The following HPS4 variants were observed in gnomAD, a reference collection of about 807,000 sequenced individuals.
The protein encoded by HPS4 is HPS4 biogenesis of lysosomal organelles complex 3 subunit 2, also known as BLOC-3 complex member HPS4.
Under a neutral mutation model 70.3 loss-of-function variants are expected in HPS4, and 44 were observed. The observed-to-expected ratio is 0.63, with a 90% CI of 0.49 to 0.80. The LOEUF is 0.80. Ranked by LOEUF, HPS4 falls within the 30% of genes least tolerant of loss-of-function variation. The pLI is 0.00. For synonymous variants in HPS4, 377 were observed against 355.9 expected, an observed-to-expected ratio of 1.06 and a Z score of -0.67; for missense variants, 873 against 884.4, an observed-to-expected ratio of 0.99 and a Z score of 0.16.
Position 26,452,013 on chromosome 22 carries a change from C to CAT in HPS4, c.*1219_*1220insAT. The CAT allele has an allele frequency of 4.4e-6, 1 of 227,704 alleles. No individual in the cohort carries two copies. Among genetic ancestry groups the CAT allele is most frequent in the Non-Finnish European group, 8.1e-6 (1 of 124,142 alleles). 14.1% of individuals were successfully genotyped at this position (227,704 alleles called of 1,614,324 possible). A position where few individuals can be genotyped will look rare whatever the true frequency, so the allele number is the denominator to read the frequency against. ...GCGCGCGCGCGCGCGCGCACACACA[C>CAT]ACACACACACACACACACACACACA... On this transcript the variant is annotated 3_prime_UTR_variant, in exon 14 of 14. Transcript: ENST00000398145.
chr22:26,463,739 A>C (rs2087810925), intron 11 of HPS4, among the ~76,000 whole-genome samples, 178 bp downstream of exon 11: 1 of 152,356 alleles, frequency 6.6e-6, no homozygotes, highest in Middle Eastern at 3.4e-3. Context: ...TACCCCCCAC[A>C]AAAACCCACA....
rs751051493 is a variant in HPS4, at chr22:26,464,231, T to C, written c.1399A>G (p.Arg467Gly). 1.2e-6 allele frequency: 2 copies of C among 1,614,212 alleles called. No individual in the cohort carries two copies. Among genetic ancestry groups the C allele is most frequent in the Non-Finnish European group, 8.5e-7 (1 of 1,180,032 alleles). ...TCTAAGCGAGGCAATAACAAGGGCCTGCGGGTCCTTCTGGGGAGAGGGTCT... is the reference window on the plus strand; with the variant it reads ...TCTAAGCGAGGCAATAACAAGGGCCCGCGGGTCCTTCTGGGGAGAGGGTCT... ...RADPLPRRTR[R>G]PLLLPRLDPG... Residue 467 changes from arginine (R) to glycine (G), a missense_variant, in exon 11 of 14, where the codon AGG (arginine) becomes GGG (glycine). Coordinates refer to ENST00000398145, the MANE Select transcript of HPS4 (RefSeq NM_022081.6).
chr22:26,474,214 C>T (rs2090219339), intron 4 of HPS4, among the ~76,000 whole-genome samples: 1 of 152,238 alleles, frequency 6.6e-6, no homozygotes, highest in South Asian at 2.1e-4. Context: ...CAGTGTGGTA[C>T]TCACACAGAA....
intron 3 of HPS4, 105 bp downstream of exon 3, chr22:26,479,160 G>T: frequency 9.4e-7 from 1 of 1,064,334 alleles, no homozygotes; most frequent in Non-Finnish European, 1.4e-6. Context: ...AAATGTCATT[G>T]TCTGGATTAG....
At chr22:26,480,798 G>A (rs2091205366) in intron 2 of HPS4, among the ~76,000 whole-genome samples, 1 of 151,968 alleles carries the variant, frequency 6.6e-6, no homozygotes. Flanking sequence ...TGTGCCTCTG[G>A]TTCCAGTTAC....
chr22:26,467,715 C>G (rs2088937460), intron 8 of HPS4: 1 of 152,118 alleles, frequency 6.6e-6, no homozygotes. Context: ...ACCACAGCTT[C>G]ATACACAAAA....
intron 4 of HPS4, chr22:26,476,717 C>T (rs554321634): frequency 4.4e-4 from 189 of 429,716 alleles, no homozygotes; most frequent in African/African-American, 3.5e-3. Flanking sequence ...CAATTTACAA[C>T]ACAGAGTAAA....
rs543223864 is a variant in HPS4 at position 26,476,800 on chromosome 22, T to C, written c.276+193A>G. 28 of 621,182 alleles carry C rather than the reference T, an allele frequency of 4.5e-5. No individual in the cohort carries two copies. In the African/African-American group the frequency reaches 4.6e-4, roughly 10 times the overall value. The allele number at this position is 621,182 out of a possible 1,614,324, so 38.5% of individuals were successfully genotyped here. On this transcript the variant is annotated intron_variant, in intron 4 of 13. Coordinates refer to ENST00000398145, the MANE Select transcript of HPS4 (RefSeq NM_022081.6). Reference sequence around the variant, plus strand: ...CAGCTGTGTGCAATGCAGAATATGTTAGAAATGTTTTGGAAAGCACTTGAT... The same window carrying C: ...CAGCTGTGTGCAATGCAGAATATGTCAGAAATGTTTTGGAAAGCACTTGAT...
chr22:26,464,202 T>C lies in HPS4; in HGVS notation c.1428A>G (p.Pro476=), dbSNP rs1416213145. 6.2e-7 allele frequency: 1 copy of C among 1,614,110 alleles called. No homozygotes were observed. The highest frequency in any genetic ancestry group is 1.3e-5 in the African/African-American group (1 of 74,936). The change falls in exon 11 of 14, where the codon CCA becomes CCG. Residue 476 remains proline (P), a synonymous_variant. Coordinates refer to ENST00000398145, the MANE Select transcript of HPS4 (RefSeq NM_022081.6). The part of the protein sequence containing the change: ...RRPLLLPRLD[P]GQRGNKLPTG... Reference sequence around the variant, plus strand: ...TGGGAAGCTTGTTTCCTCTCTGTCCTGGATCTAAGCGAGGCAATAACAAGG... The same window carrying C: ...TGGGAAGCTTGTTTCCTCTCTGTCCCGGATCTAAGCGAGGCAATAACAAGG...
At chr22:26,468,990 C>A (rs770068249) in intron 7 of HPS4, among the ~76,000 whole-genome samples, 5 of 152,132 alleles carry the variant, frequency 3.3e-5, no homozygotes, top group Non-Finnish European at 7.3e-5. Flanking sequence ...CCCATATGAA[C>A]CGGTAAGGAA....
Position 26,470,859 on chromosome 22 carries a change from A to T in HPS4, c.502-46T>A, listed in dbSNP as rs553721010. The T allele has an allele frequency of 6.2e-6, 10 of 1,612,104 alleles. No individual in the cohort carries two copies. In the East Asian group the frequency reaches 1.8e-4, roughly 29 times the overall value. ...CATGCCCACCCATCAGCATGCTCAC[A>T]ATCAGGAAGGGAGAAAAGGGGAAAG... On this transcript the variant is annotated intron_variant, in intron 6 of 13. Coordinates refer to ENST00000398145, the MANE Select transcript of HPS4 (RefSeq NM_022081.6).
Position 26,458,554 on chromosome 22 carries a change from C to CA in HPS4, c.1736dup (p.Asn580GlufsTer15). 6 of 1,614,140 alleles carry CA rather than the reference C, an allele frequency of 3.7e-6. No individual in the cohort carries two copies. The highest frequency in any genetic ancestry group is 5.1e-6 in the Non-Finnish European group (6 of 1,180,010). ...CTTTCAGGTGGACTTCCAGCCCATT[C>CA]AGTGAAGCCAGGCTGCTGTGGTACT... On this transcript the variant is annotated frameshift_variant, in exon 12 of 14. Transcript: ENST00000398145. LOFTEE classifies it high-confidence loss of function.
At chr22:26,447,091 C>T (rs1258333028), downstream of HPS4, among the ~76,000 whole-genome samples, 1 of 152,248 alleles carries the variant, frequency 6.6e-6, no homozygotes, top group East Asian at 1.9e-4. Context: ...ATAACATCCC[C>T]ATGCTCAGTC....
At chr22:26,456,918 A>C (rs1473180421) in intron 13 of HPS4, among the ~76,000 whole-genome samples, 1 of 152,238 alleles carries the variant, frequency 6.6e-6, no homozygotes, top group Non-Finnish European at 1.5e-5. Flanking sequence ...AAATTACAAT[A>C]ATCATAATAT....
intron 3 of HPS4, among the ~76,000 whole-genome samples, chr22:26,445,728 G>GATCT (rs1312610193): frequency 6.6e-6 from 1 of 152,188 alleles, no homozygotes; most frequent in Non-Finnish European, 1.5e-5. Context: ...GCTGAGTAGA[G>GATCT]AAACAGGTGA....
At chr22:26,466,047 T>C in intron 9 of HPS4, 179 bp downstream of exon 9, 1 of 1,539,262 alleles carries the variant, frequency 6.5e-7, no homozygotes, top group Non-Finnish European at 8.7e-7. Flanking sequence ...AATCATAGCT[T>C]TACCATTAGG....
rs557130630 is a variant in HPS4 at position 26,451,324 on chromosome 22, C to A, written c.*1909G>T. Among the ~76,000 whole-genome samples the A allele has an allele frequency of 1.1e-4, 17 of 152,188 alleles. No individual in the cohort carries two copies. The highest frequency in any genetic ancestry group is 2.6e-4 in the Admixed American group (4 of 15,282). The stretch of plus-strand genomic sequence containing the variant: ...GAAATATTAAAAAACGGGAAAACAG[C>A]GGGTTAAGTGTTTCTTCTCTGCAGC... On this transcript the variant is annotated 3_prime_UTR_variant, in exon 14 of 14. Transcript: ENST00000398145.
Position 26,476,981 on chromosome 22 carries a change from C to T in HPS4, c.276+12G>A, listed in dbSNP as rs1569119195. On this transcript the variant is annotated intron_variant, in intron 4 of 13. Transcript: ENST00000398145. ...TGCAACACTTCAGCACTGATTCTGCCATTCAACTTACCCAAAGGTAATCTC... is the reference window on the plus strand; with the variant it reads ...TGCAACACTTCAGCACTGATTCTGCTATTCAACTTACCCAAAGGTAATCTC... 2 of 1,613,826 alleles carry T rather than the reference C, an allele frequency of 1.2e-6. No individual in the cohort carries two copies. The highest frequency in any genetic ancestry group is 1.7e-6 in the Non-Finnish European group (2 of 1,179,738).
chr22:26,443,410 ATTT>A, downstream of HPS4: 2 of 427,246 alleles, frequency 4.7e-6, no homozygotes, highest in South Asian at 3.0e-5. Flanking sequence ...ATTTCCTTAG[ATTT>A]TTTTTTTTTC....
Sources: gnomAD v4.1 joint callset for allele counts (sites outside exome capture counted in the v4.1 genomes callset) on GRCh38, gnomAD v4.1.1 for gene constraint, MANE v1.5 for transcripts, NCBI Gene and HGNC (gene_info 2026-07-23, HGNC 2026-07-21) for gene names.